Variants in ULK4 observed in about 807,000 individuals in gnomAD.
ULK4 encodes the protein inactive serine/threonine-protein kinase ULK4.
In ULK4, 133 loss-of-function variants were observed where a neutral mutation model predicts 160.6. That is an observed-to-expected ratio of 0.83 (90% CI 0.72 to 0.96). The LOEUF (loss-of-function observed/expected upper bound fraction) is 0.96, where lower values mean the gene tolerates loss of function less well. Ranked by LOEUF, ULK4 falls within the 40% of genes least tolerant of loss-of-function variation. The probability of loss-of-function intolerance (pLI) is 0.00; values close to 1 mark genes in which losing one functional copy is unlikely to be tolerated. For synonymous variants in ULK4, 534 were observed against 539.8 expected (o/e 0.99, Z 0.15); for missense variants, 1,580 against 1,499.5 (o/e 1.05, Z -0.89).
chr3:41,745,019 TG>T (rs1351106414), intron 22 of ULK4, among the ~76,000 whole-genome samples: 14 of 151,660 alleles, frequency 9.2e-5, no homozygotes, highest in Non-Finnish European at 1.8e-4. Context: ...AACTACATAA[TG>T]TTTTTTTAAA....
At chr3:41,936,027 A>T (rs1009208349) in intron 3 of ULK4, 87 bp from the exon 4 acceptor site, 2 of 1,525,664 alleles carry the variant, frequency 1.3e-6, no homozygotes, top group African/African-American at 1.4e-5. Flanking sequence ...AGATACGAAC[A>T]TTAAAAAATG....
At chr3:41,526,031 T>G (rs1166608935) in intron 32 of ULK4, among the ~76,000 whole-genome samples, 1 of 152,234 alleles carries the variant, frequency 6.6e-6, no homozygotes. Context: ...TCCAGTGATA[T>G]TAACATTCCC....
rs368861391 is a variant in ULK4, at chr3:41,625,427, A to C, written c.3072-9710T>G. ...CTCCTCTCACACAAGCATAGGTCCA[A>C]TTGGTGGAGACAGTGATCAAACCCC... On this transcript the variant is annotated intron_variant, in intron 30 of 36. Transcript: ENST00000301831. 1.6e-3 allele frequency among the ~76,000 whole-genome samples: 247 copies of C among 152,276 alleles called. 5 individuals carry two copies. The South Asian group carries it at 0.033, about 20-fold the overall frequency.
intron 17 of ULK4, among the ~76,000 whole-genome samples, chr3:41,836,772 C>T (rs1405193292): frequency 6.6e-6 from 1 of 152,060 alleles, no homozygotes; most frequent in Non-Finnish European, 1.5e-5. Context: ...CGCTGAAACT[C>T]GACAGCATGT....
In ULK4 at chr3:41,393,169, C is replaced by T. The variant is rs6763177; in HGVS notation, c.3678+4910G>A. ...ACAAGTGAACTGCCAATAACAAAAC[C>T]GCTGTATTTTATGAACATTCCTTAT... On this transcript the variant is annotated intron_variant, in intron 35 of 36. Transcript: ENST00000301831. Among the ~76,000 whole-genome samples, 615 of 152,250 alleles carry T rather than the reference C, an allele frequency of 4.0e-3. 3 individuals are homozygous for T. Among genetic ancestry groups the T allele is most frequent in the African/African-American group, 0.014 (591 of 41,546 alleles).
At position 41,246,609 on chromosome 3, in the gene ULK4, A is replaced by G. The variant is rs1332346403; in HGVS notation, c.*320T>C. The stretch of plus-strand genomic sequence containing the variant: ...TGGCAGGCTGAGGACTGTGCTTTGC[A>G]TCCACTGCTTTATTACCACAGGCAG... On this transcript the variant is annotated 3_prime_UTR_variant, in exon 37 of 37. Transcript: ENST00000301831. 1 of 276,082 alleles carries G rather than the reference A, an allele frequency of 3.6e-6. No individual in the cohort carries two copies. The highest frequency in any genetic ancestry group is 6.8e-5 in the East Asian group (1 of 14,694). 17.1% of individuals were successfully genotyped at this position (276,082 alleles called of 1,614,324 possible). A position where few individuals can be genotyped will look rare whatever the true frequency, so the allele number is the denominator to read the frequency against.
intron 20 of ULK4, among the ~76,000 whole-genome samples, chr3:41,799,839 G>A (rs922517902): frequency 2.0e-5 from 3 of 152,094 alleles, no homozygotes; most frequent in Non-Finnish European, 4.4e-5. Context: ...CTCCAGCCTG[G>A]ATGACAGAGG....
At chr3:41,702,002 G>A (rs1052150479) in intron 27 of ULK4, among the ~76,000 whole-genome samples, 1 of 151,986 alleles carries the variant, frequency 6.6e-6, no homozygotes, top group African/African-American at 2.4e-5. Context: ...TAGGTAAGAA[G>A]AAAATAATGT....
intron 32 of ULK4, among the ~76,000 whole-genome samples, chr3:41,549,180 T>C (rs2086976105): frequency 1.3e-5 from 2 of 152,116 alleles, no homozygotes; most frequent in African/African-American, 4.8e-5. Flanking sequence ...ACAATAATTG[T>C]CTAGTAACAG....
intron 31 of ULK4, among the ~76,000 whole-genome samples, chr3:41,566,814 A>C (rs1428359325): frequency 6.6e-6 from 1 of 152,170 alleles, no homozygotes; most frequent in Non-Finnish European, 1.5e-5. Flanking sequence ...TATTTTTTAA[A>C]ATTAAGCAAT....
At chr3:41,572,498 C>A (rs1414284547) in intron 31 of ULK4, among the ~76,000 whole-genome samples, 1 of 151,906 alleles carries the variant, frequency 6.6e-6, no homozygotes, top group Non-Finnish European at 1.5e-5. Flanking sequence ...ATAACCCACA[C>A]GCCTGTAATC....
chr3:41,259,118 A>G (rs73827986), intron 35 of ULK4, among the ~76,000 whole-genome samples: 34 of 92,898 alleles, frequency 3.7e-4, no homozygotes, highest in African/African-American at 2.1e-3. Flanking sequence ...ATATATGTGT[A>G]TATATATATA....
intron 35 of ULK4, among the ~76,000 whole-genome samples, chr3:41,300,836 A>AC (rs2079772762): frequency 8.8e-5 from 7 of 79,478 alleles, no homozygotes; most frequent in Admixed American, 3.0e-4. Flanking sequence ...CATTTTACAG[A>AC]TTATATATAT....
In ULK4 at chr3:41,715,610, A is replaced by C. The variant is rs199929393; in HGVS notation, c.2456-42T>G. 2,358 of 1,612,286 alleles carry C rather than the reference A, an allele frequency of 1.5e-3. 6 individuals are homozygous for C. Among genetic ancestry groups the C allele is most frequent in the Non-Finnish European group, 1.8e-3 (2,066 of 1,179,324 alleles). ...AGAGCATATGTGGAGGTTAAAAACCACAAATACTTAGGAGCCACTGGTCAT... is the reference window on the plus strand; with the variant it reads ...AGAGCATATGTGGAGGTTAAAAACCCCAAATACTTAGGAGCCACTGGTCAT... On this transcript the variant is annotated intron_variant, in intron 23 of 36. Coordinates refer to ENST00000301831, the MANE Select transcript of ULK4 (RefSeq NM_017886.4).
chr3:41,477,109 A>C (rs1172576291), intron 32 of ULK4, among the ~76,000 whole-genome samples: 1 of 152,226 alleles, frequency 6.6e-6, no homozygotes, highest in Non-Finnish European at 1.5e-5. Context: ...AAAAGAAGCC[A>C]ACATTCATTA....
intron 35 of ULK4, among the ~76,000 whole-genome samples, chr3:41,371,063 G>C (rs2125783079): frequency 6.6e-6 from 1 of 152,346 alleles, no homozygotes; most frequent in Middle Eastern, 3.4e-3. Context: ...CCGCAGCTCA[G>C]CAAGGCCACT....
intron 32 of ULK4, among the ~76,000 whole-genome samples, chr3:41,548,532 G>C (rs1282888307): frequency 6.6e-6 from 1 of 152,040 alleles, no homozygotes; most frequent in Non-Finnish European, 1.5e-5. Context: ...GGGGCATGGA[G>C]ACTGGCATGC....
At chr3:41,485,082 C>T (rs2084476286) in intron 32 of ULK4, among the ~76,000 whole-genome samples, 1 of 152,036 alleles carries the variant, frequency 6.6e-6, no homozygotes. Flanking sequence ...AGTGCTTTAC[C>T]ATATCTAAGG....
chr3:41,461,611 T>C (rs2083685556), intron 33 of ULK4, among the ~76,000 whole-genome samples: 1 of 152,176 alleles, frequency 6.6e-6, no homozygotes, highest in Non-Finnish European at 1.5e-5. Flanking sequence ...AAAACAGTGA[T>C]CTACTGGGAA....
Sources: allele counts gnomAD v4.1 joint callset (sites outside exome capture counted in the v4.1 genomes callset), GRCh38; gene constraint gnomAD v4.1.1; transcripts MANE v1.5; gene names NCBI Gene and HGNC (gene_info 2026-07-23, HGNC 2026-07-21).